The following DMD variants were observed in gnomAD, a reference collection of about 807,000 sequenced individuals.
The protein encoded by DMD is mutant dystrophin.
Under a neutral mutation model 330.1 loss-of-function variants are expected in DMD, and 63 were observed. The observed-to-expected ratio is 0.19, with a 90% confidence interval of 0.16 to 0.24. The LOEUF (loss-of-function observed/expected upper bound fraction) is 0.24. Ranked by LOEUF, DMD falls within the 10% of genes least tolerant of loss-of-function variation. The pLI is 1.00. For missense variants in DMD, 3,344 were observed against 2,684.1 expected (o/e 1.25, Z -5.43); for synonymous variants, 1,223 against 959.8 (o/e 1.27, Z -5.07).
chrX:33,051,212 C>CTTT (rs60096455), intron 1 of DMD, among the ~76,000 whole-genome samples: 1 of 90,070 alleles, frequency 1.1e-5, no homozygotes, highest in Non-Finnish European at 2.2e-5. Context: ...ACTGACTTTT[C>CTTT]TTTTTTTTTT....
intron 60 of DMD, among the ~76,000 whole-genome samples, chrX:31,422,415 G>A (rs2063495362): frequency 9.0e-6 from 1 of 111,439 alleles, no homozygotes; most frequent in Middle Eastern, 4.2e-3. Flanking sequence ...TGTTTAACTC[G>A]TTTAACATAT....
At chrX:32,558,945 T>TTTTTTTTTTTTTCC (rs1569199630) in intron 16 of DMD, among the ~76,000 whole-genome samples, 22 of 40,142 alleles carry the variant, frequency 5.5e-4, no homozygotes, top group African/African-American at 1.7e-3. Flanking sequence ...TTTCTTTTTT[T>TTTTTTTTTTTTTCC]TTTTTTTTTT....
chrX:33,058,925 CTT>C, intron 1 of DMD, among the ~76,000 whole-genome samples: 1 of 111,535 alleles, frequency 9.0e-6, no homozygotes, highest in South Asian at 3.7e-4. Context: ...AATGGGTTGT[CTT>C]TTTATTGATA....
At chrX:31,348,398 A>C in intron 61 of DMD, 158 bp downstream of exon 61, 1 of 558,770 alleles carries the variant, frequency 1.8e-6, no homozygotes, top group East Asian at 3.6e-5. Context: ...AACCTTCTCA[A>C]CTTATCAACC....
intron 62 of DMD, among the ~76,000 whole-genome samples, chrX:31,265,797 GTGGGT>G (rs1396808388): frequency 4.3e-4 from 8 of 18,567 alleles, no homozygotes; most frequent in African/African-American, 1.6e-3. Context: ...GGGGGGGGGG[GTGGGT>G]GACAAGGAGA....
intron 43 of DMD, among the ~76,000 whole-genome samples, chrX:32,252,549 GAT>G (rs2097267708): frequency 1.1e-5 from 1 of 95,056 alleles, no homozygotes; most frequent in African/African-American, 3.9e-5. Context: ...TAAAAATAAA[GAT>G]TATGATGCCT....
chrX:32,942,745 A>C (rs1168386215), intron 2 of DMD, among the ~76,000 whole-genome samples: 2 of 111,590 alleles, frequency 1.8e-5, no homozygotes, highest in Non-Finnish European at 3.8e-5. Context: ...TTTTTAGAAT[A>C]AATCTTTGAC....
At chrX:31,531,011 T>C (rs1405242743) in intron 55 of DMD, among the ~76,000 whole-genome samples, 1 of 95,486 alleles carries the variant, frequency 1.0e-5, no homozygotes, top group African/African-American at 4.3e-5. Flanking sequence ...GAACTCATCA[T>C]TTTTTATGGC....
Position 32,408,846 on chromosome X carries a change from T to C in DMD, c.4233+2906A>G, listed in dbSNP as rs182484200. The stretch of plus-strand genomic sequence containing the variant: ...GCATTGAAGTTAGTCCCTATTCTAT[T>C]CCTTTCTTTTCTTTCTTTCATCTAT... On this transcript the variant is annotated intron_variant, in intron 30 of 78. Transcript: ENST00000357033. Among the ~76,000 whole-genome samples, 712 of 108,684 alleles carry C rather than the reference T, an allele frequency of 6.6e-3. 2 individuals are homozygous for C. The highest frequency in any genetic ancestry group is 0.011 in the Non-Finnish European group (561 of 52,358). The allele number at this position is 108,684 out of a possible 115,157, so 94.4% of individuals were successfully genotyped here.
chrX:31,489,641 T>C (rs2069101301), intron 57 of DMD, among the ~76,000 whole-genome samples: 1 of 112,205 alleles, frequency 8.9e-6, no homozygotes, highest in African/African-American at 3.2e-5. Flanking sequence ...AACATATGCT[T>C]AACATAGAGT....
chrX:32,696,213 AC>A (rs1187849428), intron 9 of DMD, among the ~76,000 whole-genome samples: 1 of 111,907 alleles, frequency 8.9e-6, no homozygotes. Context: ...TAGAGCAGGT[AC>A]AGCCTGTAGG....
intron 1 of DMD, among the ~76,000 whole-genome samples, chrX:33,026,533 A>G (rs1422701380): frequency 9.1e-6 from 1 of 109,889 alleles, no homozygotes; most frequent in Non-Finnish European, 1.9e-5. Flanking sequence ...ACATATTTAG[A>G]AAGTGGATTT....
At chrX:32,571,409 T>C (rs2052404018) in intron 15 of DMD, among the ~76,000 whole-genome samples, 1 of 111,975 alleles carries the variant, frequency 8.9e-6, no homozygotes, top group Non-Finnish European at 1.9e-5. Flanking sequence ...TTTTGAAATC[T>C]TTATTCTCCT....
chrX:31,336,516 A>C (rs1418130067), intron 61 of DMD, among the ~76,000 whole-genome samples: 1 of 112,646 alleles, frequency 8.9e-6, no homozygotes, highest in Non-Finnish European at 1.9e-5. Context: ...GTGTAAAAAT[A>C]CACTTTTCAG....
chrX:32,002,126 T>C (rs1445618128), intron 44 of DMD, among the ~76,000 whole-genome samples: 1 of 111,658 alleles, frequency 9.0e-6, no homozygotes, highest in African/African-American at 3.2e-5. Flanking sequence ...GTTTGCACTA[T>C]CCTTTTACTT....
At chrX:32,212,153 G>A (rs1279701997) in intron 44 of DMD, among the ~76,000 whole-genome samples, 2 of 112,196 alleles carry the variant, frequency 1.8e-5, no homozygotes, top group Admixed American at 1.9e-4. Flanking sequence ...GCTAGGAAAT[G>A]AGTAGGCAGA....
chrX:32,889,102 A>G (rs1296069049), intron 2 of DMD, among the ~76,000 whole-genome samples: 1 of 110,370 alleles, frequency 9.1e-6, no homozygotes, highest in African/African-American at 3.3e-5. Flanking sequence ...CAGGTGCAGA[A>G]GTAATTGGGT....
At chrX:32,812,827 T>C (rs953936741) in intron 6 of DMD, among the ~76,000 whole-genome samples, 1 of 111,234 alleles carries the variant, frequency 9.0e-6, no homozygotes, top group Non-Finnish European at 1.9e-5. Context: ...GAAAAATATA[T>C]AAAAAAATTT....
At chrX:32,941,320 A>C (rs780301403) in intron 2 of DMD, among the ~76,000 whole-genome samples, 1 of 111,985 alleles carries the variant, frequency 8.9e-6, no homozygotes, top group African/African-American at 3.2e-5. Flanking sequence ...AAAATAAATA[A>C]AATTGTTTTA....
Sources: allele counts gnomAD v4.1 joint callset (sites outside exome capture counted in the v4.1 genomes callset), GRCh38; gene constraint gnomAD v4.1.1; transcripts MANE v1.5; gene names NCBI Gene and HGNC (gene_info 2026-07-23, HGNC 2026-07-21).